TMPRSS15: variants seen among roughly 807,000 people sequenced by gnomAD.
TMPRSS15 encodes the protein enteropeptidase.
Under a neutral mutation model 125.3 loss-of-function variants are expected in TMPRSS15, and 128 were observed. The observed-to-expected ratio is 1.02, with a 90% CI of 0.89 to 1.18. The LOEUF is 1.18. Ranked by LOEUF, TMPRSS15 falls within the 50% of genes most tolerant of loss-of-function variation. TMPRSS15 has a pLI of 0.00. For missense variants in TMPRSS15, 1,283 were observed against 1,212.7 expected (o/e 1.06, Z -0.86); for synonymous variants, 446 against 423.2 (o/e 1.05, Z -0.66).
chr21:18,292,350 A>C (rs753478018), intron 21 of TMPRSS15, among the ~76,000 whole-genome samples: 3 of 152,070 alleles, frequency 2.0e-5, no homozygotes, highest in Admixed American at 6.6e-5. Context: ...TTTGCACTGC[A>C]CTCTGCGACT....
chr21:18,350,755 T>C (rs2075560069), intron 10 of TMPRSS15, among the ~76,000 whole-genome samples: 2 of 151,526 alleles, frequency 1.3e-5, no homozygotes, highest in Non-Finnish European at 2.9e-5. Context: ...TAATTATATA[T>C]ATACATATAT....
At chr21:18,324,300 C>T (rs1184620229) in intron 16 of TMPRSS15, among the ~76,000 whole-genome samples, 2 of 152,078 alleles carry the variant, frequency 1.3e-5, no homozygotes, top group South Asian at 4.1e-4. Flanking sequence ...GTTTCTGTCT[C>T]TCTTTACTTA....
intron 6 of TMPRSS15, among the ~76,000 whole-genome samples, chr21:18,371,140 C>T (rs1601404213): frequency 6.6e-6 from 1 of 152,100 alleles, no homozygotes; most frequent in African/African-American, 2.4e-5. Context: ...GTACTGACCC[C>T]TATATCTACT....
chr21:18,287,549 A>G (rs1268936108), intron 21 of TMPRSS15, among the ~76,000 whole-genome samples: 1 of 152,206 alleles, frequency 6.6e-6, no homozygotes, highest in Non-Finnish European at 1.5e-5. Context: ...AGTAGAGGTA[A>G]CTTGAGAGAT....
At chr21:18,328,636 G>A (rs2075315618) in intron 15 of TMPRSS15, among the ~76,000 whole-genome samples, 1 of 152,086 alleles carries the variant, frequency 6.6e-6, no homozygotes, top group African/African-American at 2.4e-5. Context: ...AAGGCTACTG[G>A]GAGGGGTGGT....
intron 13 of TMPRSS15, among the ~76,000 whole-genome samples, chr21:18,333,264 A>G (rs1424939989): frequency 6.6e-6 from 1 of 151,576 alleles, no homozygotes; most frequent in Non-Finnish European, 1.5e-5. Context: ...AGAAAATTGG[A>G]AAAAAAAATA....
At position 18,398,194 on chromosome 21, in the gene TMPRSS15, C is replaced by T; in HGVS notation, c.276+5G>A. ...AAAATTTGAAACCAGCTGTCAGTCT[C>T]CTACCATTTGCTGAAGGTCAAAAGC... On this transcript the variant is annotated splice_donor_5th_base_variant and intron_variant, in intron 2 of 24. Coordinates refer to ENST00000284885, the MANE Select transcript of TMPRSS15 (RefSeq NM_002772.3). 1.2e-6 allele frequency: 2 copies of T among 1,613,758 alleles called. No individual in the cohort carries two copies. Among genetic ancestry groups the T allele is most frequent in the Non-Finnish European group, 8.5e-7 (1 of 1,179,754 alleles).
At chr21:18,338,998 C>T (rs769382884) in intron 13 of TMPRSS15, among the ~76,000 whole-genome samples, 3 of 152,002 alleles carry the variant, frequency 2.0e-5, no homozygotes, top group Non-Finnish European at 4.4e-5. Flanking sequence ...CTTCTGCTCA[C>T]ATTTTTTTTT....
intron 21 of TMPRSS15, among the ~76,000 whole-genome samples, chr21:18,281,654 T>G (rs1344640717): frequency 6.6e-6 from 1 of 152,162 alleles, no homozygotes; most frequent in African/African-American, 2.4e-5. Context: ...TATGGCTAGG[T>G]TGGAGAACCT....
At chr21:18,326,707 A>G in intron 15 of TMPRSS15, 135 bp from the exon 16 acceptor site, 1 of 888,144 alleles carries the variant, frequency 1.1e-6, no homozygotes, top group Non-Finnish European at 1.8e-6. Flanking sequence ...AGCCACAAGT[A>G]AATGAACACA....
Position 18,270,023 on chromosome 21 carries a change from T to G in TMPRSS15, c.3006A>C (p.Gly1002=), listed in dbSNP as rs565147994. Residue 1002 remains glycine, a synonymous_variant, in exon 25 of 25, where the codon GGA becomes GGC. Coordinates refer to ENST00000284885, the MANE Select transcript of TMPRSS15 (RefSeq NM_002772.3). The part of the protein sequence containing the change: ...GYKCALPNRP[G]VYARVSRFTE... ...TAAACCTTGAGACCCTGGCATACAC[T>G]CCGGGGCGATTAGGCAGGGCACACT... is the stretch of plus-strand genomic sequence containing the variant. The G allele has an allele frequency of 5.6e-6, 9 of 1,613,954 alleles. No individual in the cohort carries two copies. In the South Asian group the frequency reaches 9.9e-5, roughly 18 times the overall value.
chr21:18,412,234 AAG>A (rs2076167763), intron 1 of TMPRSS15, among the ~76,000 whole-genome samples: 1 of 152,162 alleles, frequency 6.6e-6, no homozygotes, highest in African/African-American at 2.4e-5. Flanking sequence ...TTGATATTGA[AAG>A]AGAGTGAGCC....
At chr21:18,384,817 T>A (rs1244516715) in intron 3 of TMPRSS15, among the ~76,000 whole-genome samples, 1 of 152,204 alleles carries the variant, frequency 6.6e-6, no homozygotes, top group Non-Finnish European at 1.5e-5. Flanking sequence ...ATATGTAAGT[T>A]TATGAGCTTG....
chr21:18,383,909 G>T, intron 3 of TMPRSS15, 131 bp from the exon 4 acceptor site: 1 of 1,070,014 alleles, frequency 9.3e-7, no homozygotes, highest in South Asian at 1.4e-5. Flanking sequence ...CCTGTGTAAG[G>T]TAGTCACTTC....
chr21:18,482,486 C>T (rs190568167), intron 1 of TMPRSS15, among the ~76,000 whole-genome samples: 401 of 151,544 alleles, frequency 2.6e-3, no homozygotes, highest in Non-Finnish European at 3.5e-3. Flanking sequence ...TGATGGATGC[C>T]TCAAATACCC....
chr21:18,304,386 C>A (rs909142659), intron 18 of TMPRSS15, among the ~76,000 whole-genome samples: 20 of 152,024 alleles, frequency 1.3e-4, no homozygotes, highest in African/African-American at 4.6e-4. Flanking sequence ...AAGGATCGTG[C>A]GTGTCTTGAC....
chr21:18,314,262 G>A (rs939381761), intron 17 of TMPRSS15, among the ~76,000 whole-genome samples: 7 of 152,052 alleles, frequency 4.6e-5, no homozygotes, highest in African/African-American at 1.4e-4. Context: ...GTTTCCTCAT[G>A]GGTAAACTAT....
At chr21:18,467,365 C>G (rs1034831552) in intron 1 of TMPRSS15, among the ~76,000 whole-genome samples, 1 of 151,710 alleles carries the variant, frequency 6.6e-6, no homozygotes, top group Non-Finnish European at 1.5e-5. Flanking sequence ...TGTAACAAAC[C>G]TGCACGTTCT....
intron 10 of TMPRSS15, among the ~76,000 whole-genome samples, chr21:18,345,740 C>CAAAAAAAAAAAAAAAAAAAAAAAA (rs1235619873): frequency 6.4e-5 from 1 of 15,562 alleles, no homozygotes; most frequent in African/African-American, 1.6e-4. Flanking sequence ...GACTCCGTCT[C>CAAAAAAAAAAAAAAAAAAAAAAAA]AAAAAAAAAA....
Sources: allele counts gnomAD v4.1 joint callset (sites outside exome capture counted in the v4.1 genomes callset), GRCh38; gene constraint gnomAD v4.1.1; transcripts MANE v1.5; gene names NCBI Gene and HGNC (gene_info 2026-07-23, HGNC 2026-07-21).